Variants in RXRA observed in about 807,000 individuals in gnomAD.
RXRA encodes retinoic acid receptor RXR-alpha.
In RXRA, 5 loss-of-function variants were observed where a neutral mutation model predicts 44.5. The observed-to-expected ratio is 0.11, with a 90% CI of 0.06 to 0.24. RXRA has a LOEUF of 0.24. Among genes scored for constraint, RXRA ranks in the 10% least tolerant of loss-of-function variants. The pLI, the probability that RXRA is intolerant of heterozygous loss-of-function variation, is 1.00. For synonymous variants in RXRA, 291 were observed against 271.4 expected (o/e 1.07, Z -0.71); for missense variants, 412 against 646.5 (o/e 0.64, Z 3.93).
chr9:134,382,489 C>T (rs555774095), intron 1 of RXRA, among the ~76,000 whole-genome samples: 138 of 152,264 alleles, frequency 9.1e-4, no homozygotes, highest in Middle Eastern at 3.4e-3. Context: ...GCGAGAAAGC[C>T]CCTGGCTGCT....
chr9:134,364,459 G>A (rs1268539067), intron 1 of RXRA, among the ~76,000 whole-genome samples: 25 of 152,244 alleles, frequency 1.6e-4, no homozygotes, highest in Admixed American at 1.6e-3. Flanking sequence ...GCCTTTGTGT[G>A]GGGGTCCGGC....
At chr9:134,401,512 AC>A in intron 1 of RXRA, 119 bp from the exon 2 acceptor site, 1 of 1,520,862 alleles carries the variant, frequency 6.6e-7, no homozygotes, top group East Asian at 2.3e-5. Context: ...CCACGGGGCC[AC>A]CTTGAGGGTG....
At chr9:134,370,657 G>A (rs1830480099) in intron 1 of RXRA, among the ~76,000 whole-genome samples, 1 of 152,240 alleles carries the variant, frequency 6.6e-6, no homozygotes, top group Non-Finnish European at 1.5e-5. Context: ...CTCGCCACCT[G>A]CAAGCCATCC....
chr9:134,390,195 A>C (rs367969263), intron 1 of RXRA, among the ~76,000 whole-genome samples: 34 of 152,120 alleles, frequency 2.2e-4, no homozygotes, highest in African/African-American at 8.0e-4. Context: ...CCTGGGCTTA[A>C]GGGAAGGGGA....
chr9:134,356,873 C>T (rs948570580), intron 1 of RXRA, among the ~76,000 whole-genome samples: 5 of 152,212 alleles, frequency 3.3e-5, no homozygotes, highest in Admixed American at 1.3e-4. Flanking sequence ...CCACCACCCT[C>T]GATGGCCCTG....
At chr9:134,376,794 G>T (rs560171296) in intron 1 of RXRA, among the ~76,000 whole-genome samples, 1 of 152,234 alleles carries the variant, frequency 6.6e-6, no homozygotes, top group Non-Finnish European at 1.5e-5. Flanking sequence ...CCAGCCAGGG[G>T]CGCAGCCCTA....
chr9:134,376,466 G>A (rs1481017058), intron 1 of RXRA, among the ~76,000 whole-genome samples: 1 of 152,174 alleles, frequency 6.6e-6, no homozygotes, highest in Non-Finnish European at 1.5e-5. Flanking sequence ...CTGTCCTACC[G>A]TTTCTTCTCT....
intron 1 of RXRA, among the ~76,000 whole-genome samples, chr9:134,335,738 C>G (rs1171450793): frequency 6.6e-6 from 1 of 152,156 alleles, no homozygotes; most frequent in Non-Finnish European, 1.5e-5. Flanking sequence ...GAGTGTGACT[C>G]CTACCGGCGC....
At chr9:134,377,242 C>T (rs1329266208) in intron 1 of RXRA, among the ~76,000 whole-genome samples, 1 of 152,200 alleles carries the variant, frequency 6.6e-6, no homozygotes. Context: ...CTGATCTCCG[C>T]CAGCCCCAGG....
chr9:134,339,721 CTGTG>C (rs371187523), intron 1 of RXRA, among the ~76,000 whole-genome samples: 4 of 138,310 alleles, frequency 2.9e-5, no homozygotes, highest in Admixed American at 7.2e-5. Context: ...GTGTTTGAGC[CTGTG>C]TGTGTGTGTC....
intron 1 of RXRA, among the ~76,000 whole-genome samples, chr9:134,329,359 C>T (rs1306087979): frequency 1.3e-5 from 2 of 152,240 alleles, no homozygotes; most frequent in African/African-American, 2.4e-5. Context: ...TTAGCGCGGG[C>T]GCTGCCCGAC....
rs372114818 is a variant in RXRA, at chr9:134,417,333, T to C, written c.780+6T>C. The C allele has an allele frequency of 6.2e-7, 1 of 1,612,556 alleles. No individual in the cohort carries two copies. Among genetic ancestry groups the C allele is most frequent in the Non-Finnish European group, 8.5e-7 (1 of 1,179,436 alleles). ...TGGGGCTGAACCCCAGCTCGGTGAGTTGCAGCCTGTGCAGGGGTGGGCAGC... is the reference window on the plus strand; with the variant it reads ...TGGGGCTGAACCCCAGCTCGGTGAGCTGCAGCCTGTGCAGGGGTGGGCAGC... On this transcript the variant is annotated splice_donor_region_variant and intron_variant, in intron 5 of 9. Coordinates refer to ENST00000481739, the MANE Select transcript of RXRA (RefSeq NM_002957.6). This position sits in a 1 kb window ranked among gnomAD's most constrained non-coding sequence, Gnocchi z 6.1.
At chr9:134,335,874 G>GTCC (rs1291097475) in intron 1 of RXRA, among the ~76,000 whole-genome samples, 1 of 152,138 alleles carries the variant, frequency 6.6e-6, no homozygotes, top group Non-Finnish European at 1.5e-5. Context: ...GTGCCCTGTG[G>GTCC]TCCTGCCTTG....
chr9:134,376,184 C>G (rs1220638793), intron 1 of RXRA, among the ~76,000 whole-genome samples: 1 of 152,226 alleles, frequency 6.6e-6, no homozygotes, highest in African/African-American at 2.4e-5. Context: ...TCTGCAGGCG[C>G]AGCCAGGCCT....
intron 1 of RXRA, among the ~76,000 whole-genome samples, chr9:134,363,318 T>TCA (rs1830376186): frequency 6.6e-6 from 1 of 152,194 alleles, no homozygotes; most frequent in South Asian, 2.1e-4. Flanking sequence ...AGGTGTCCCC[T>TCA]CACTCAGGGA....
chr9:134,421,559 G>A, intron 5 of RXRA, 117 bp from the exon 6 acceptor site: 1 of 1,200,784 alleles, frequency 8.3e-7, no homozygotes, highest in Non-Finnish European at 1.2e-6. Flanking sequence ...GCATCTTTGG[G>A]GGCCGTATTC....
Position 134,410,708 on chromosome 9 carries a change from G to T in RXRA, c.610+1589G>T, listed in dbSNP as rs866006138. On this transcript the variant is annotated intron_variant, in intron 4 of 9. Transcript: ENST00000481739. ...GAGGCCCGAGGCGTGGCTGGAGCTG[G>T]GGGGGGAAGGCCTCGTGTGCAGCCT... Among the ~76,000 whole-genome samples the T allele has an allele frequency of 2.6e-5, 4 of 152,296 alleles. No individual in the cohort carries two copies. The South Asian group carries it at 6.2e-4, about 24-fold the overall frequency.
chr9:134,329,367 G>C (rs1421697805), intron 1 of RXRA, among the ~76,000 whole-genome samples: 5 of 152,252 alleles, frequency 3.3e-5, no homozygotes, highest in Non-Finnish European at 7.3e-5. Context: ...GGCGCTGCCC[G>C]ACGGCAGGGT....
At chr9:134,339,829 G>T (rs1554747903) in intron 1 of RXRA, among the ~76,000 whole-genome samples, 1 of 134,822 alleles carries the variant, frequency 7.4e-6, no homozygotes. Context: ...GTGTGTGTGT[G>T]TGTGAGTCTG....
Sources: gnomAD v4.1 joint callset for allele counts (sites outside exome capture counted in the v4.1 genomes callset) on GRCh38, gnomAD v4.1.1 for gene constraint, Gnocchi (gnomAD v3.1) non-coding constraint, MANE v1.5 for transcripts, NCBI Gene and HGNC (gene_info 2026-07-23, HGNC 2026-07-21) for gene names.